NCS1: variants seen among roughly 807,000 people sequenced by gnomAD.
The protein encoded by NCS1 is neuronal calcium sensor 1.
In NCS1, 6 loss-of-function variants were observed where a neutral mutation model predicts 28.4. That is an observed-to-expected ratio of 0.21 (90% CI 0.12 to 0.42). NCS1 has a LOEUF of 0.42. Ranked by LOEUF, NCS1 falls within the 10% of genes least tolerant of loss-of-function variation. The pLI is 1.00. For missense variants in NCS1, 131 were observed against 241.4 expected, an observed-to-expected ratio of 0.54 and a Z score of 3.03; for synonymous variants, 86 against 99.3, an observed-to-expected ratio of 0.87 and a Z score of 0.79.
intron 1 of NCS1, among the ~76,000 whole-genome samples, chr9:130,176,816 G>A (rs1031391487): frequency 2.0e-4 from 31 of 152,250 alleles, no homozygotes; most frequent in African/African-American, 6.8e-4. Context: ...GAAAGCAGCC[G>A]GGTTATCCGA....
chr9:130,212,506 G>A (rs1303546320), intron 2 of NCS1, among the ~76,000 whole-genome samples: 3 of 148,962 alleles, frequency 2.0e-5, no homozygotes, highest in Non-Finnish European at 4.5e-5. Flanking sequence ...TCTAGTATGA[G>A]CCACTTACTT....
rs1832835390 is a variant in NCS1, at chr9:130,192,906, T to C, written c.65-8052T>C. Among the ~76,000 whole-genome samples the C allele has an allele frequency of 6.6e-6, 1 of 152,184 alleles. No homozygotes were observed. Among genetic ancestry groups the C allele is most frequent in the Non-Finnish European group, 1.5e-5 (1 of 68,022 alleles). On this transcript the variant is annotated intron_variant, in intron 1 of 7. Transcript: ENST00000372398. This position sits in a 1 kb window ranked among gnomAD's most constrained non-coding sequence, Gnocchi z 4.8. ...CCACCTCCCAGTGTGCGGTACTCCATGGTTGGCACAGCTAGTAATGTCCTC... is the reference window on the plus strand; with the variant it reads ...CCACCTCCCAGTGTGCGGTACTCCACGGTTGGCACAGCTAGTAATGTCCTC...
intron 2 of NCS1, among the ~76,000 whole-genome samples, chr9:130,205,528 C>A: frequency 9.3e-6 from 1 of 107,284 alleles, no homozygotes. Context: ...AGTGAGACCT[C>A]GTCTCTTAGA....
intron 2 of NCS1, 140 bp from the exon 3 acceptor site, chr9:130,217,692 T>G (rs1332701875): frequency 7.9e-7 from 1 of 1,257,940 alleles, no homozygotes; most frequent in Non-Finnish European, 1.2e-6. Flanking sequence ...CCTGTGCCTA[T>G]CAAGTCCATG....
intron 2 of NCS1, among the ~76,000 whole-genome samples, chr9:130,205,677 GAAAA>G (rs797027203): frequency 1.6e-5 from 2 of 126,446 alleles, no homozygotes; most frequent in East Asian, 2.3e-4. Flanking sequence ...CTCTACAAAA[GAAAA>G]AAAAAAAAAA....
chr9:130,173,156 G>C (rs954993369), intron 1 of NCS1, among the ~76,000 whole-genome samples: 1 of 151,972 alleles, frequency 6.6e-6, no homozygotes, highest in East Asian at 1.9e-4. Context: ...CGCCGCCGCT[G>C]CTGCGAGATT....
chr9:130,194,283 G>T (rs1832850408), intron 1 of NCS1, among the ~76,000 whole-genome samples: 1 of 150,680 alleles, frequency 6.6e-6, no homozygotes, highest in African/African-American at 2.4e-5. Context: ...CTGTGTGGAA[G>T]GGAGGAGGAG....
chr9:130,207,610 T>A (rs1047689595), intron 2 of NCS1, among the ~76,000 whole-genome samples: 47 of 152,252 alleles, frequency 3.1e-4, no homozygotes, highest in African/African-American at 1.1e-3. Flanking sequence ...AGTGATTCTG[T>A]GATTTGTCCT....
At chr9:130,210,058 G>A (rs1833091139) in intron 2 of NCS1, among the ~76,000 whole-genome samples, 2 of 152,156 alleles carry the variant, frequency 1.3e-5, no homozygotes, top group South Asian at 4.1e-4. Flanking sequence ...GAGGGGCAGT[G>A]AGGGGTCTTG....
rs1455322228 is a variant in NCS1 at position 130,219,966 on chromosome 9, G to T, written c.307+163G>T. Reference sequence around the variant, plus strand: ...AGAGGGCAGGCCTGGGCCCTGGGCAGGTGGCCCTCACACGGCCACGTAACT... The same window carrying T: ...AGAGGGCAGGCCTGGGCCCTGGGCATGTGGCCCTCACACGGCCACGTAACT... On this transcript the variant is annotated intron_variant, in intron 4 of 7. Transcript: ENST00000372398. This position sits in a 1 kb window ranked among gnomAD's most constrained non-coding sequence, Gnocchi z 5.7. 6.6e-6 allele frequency among the ~76,000 whole-genome samples: 1 copy of T among 152,262 alleles called. No individual in the cohort carries two copies. The highest frequency in any genetic ancestry group is 2.4e-5 in the African/African-American group (1 of 41,482).
chr9:130,224,293 A>T (rs1374281244), intron 6 of NCS1, among the ~76,000 whole-genome samples: 5 of 128,174 alleles, frequency 3.9e-5, no homozygotes, highest in African/African-American at 1.5e-4. Context: ...TTTCTCTACT[A>T]AAAAAAAAAA....
At chr9:130,211,707 C>T (rs1833115184) in intron 2 of NCS1, among the ~76,000 whole-genome samples, 1 of 152,090 alleles carries the variant, frequency 6.6e-6, no homozygotes, top group African/African-American at 2.4e-5. Context: ...CGTTGGCTAG[C>T]TGTGTGAGCC....
At chr9:130,184,977 A>C (rs1832720256) in intron 1 of NCS1, among the ~76,000 whole-genome samples, 1 of 151,994 alleles carries the variant, frequency 6.6e-6, no homozygotes. Flanking sequence ...GTCTCAAAAA[A>C]AAAAAAAGGG....
Position 130,175,863 on chromosome 9 carries a change from G to C in NCS1, c.64+3136G>C, listed in dbSNP as rs917075243. On this transcript the variant is annotated intron_variant, in intron 1 of 7. Coordinates refer to ENST00000372398, the MANE Select transcript of NCS1 (RefSeq NM_014286.4). The surrounding 1 kb of genome is among the most constrained non-coding windows in gnomAD (Gnocchi z 4.9). Reference sequence around the variant, plus strand: ...CTTAGACAGTGGCAGTCAGCATTGCGGGCGGCCCAGTTTCTTTCAGGTCTG... The same window carrying C: ...CTTAGACAGTGGCAGTCAGCATTGCCGGCGGCCCAGTTTCTTTCAGGTCTG... Among the ~76,000 whole-genome samples the C allele has an allele frequency of 6.6e-6, 1 of 152,204 alleles. No individual in the cohort carries two copies. The highest frequency in any genetic ancestry group is 2.4e-5 in the African/African-American group (1 of 41,436).
At chr9:130,212,418 T>A (rs1274412599) in intron 2 of NCS1, among the ~76,000 whole-genome samples, 1 of 150,906 alleles carries the variant, frequency 6.6e-6, no homozygotes, top group East Asian at 2.0e-4. Flanking sequence ...CTGCTAAGTG[T>A]CTACTATGCA....
Position 130,181,378 on chromosome 9 carries a change from G to A in NCS1, c.64+8651G>A, listed in dbSNP as rs895124362. Among the ~76,000 whole-genome samples the A allele has an allele frequency of 9.2e-5, 14 of 152,160 alleles. No homozygotes were observed. The highest frequency in any genetic ancestry group is 1.3e-4 in the Non-Finnish European group (9 of 68,024). ...CTCCTGGTGGTGGTGGAGGATCTGC[G>A]AGCTGCAGCACGGGACGGTCAGGGG... On this transcript the variant is annotated intron_variant, in intron 1 of 7. Transcript: ENST00000372398. This position sits in a 1 kb window ranked among gnomAD's most constrained non-coding sequence, Gnocchi z 5.0.
intron 6 of NCS1, 93 bp downstream of exon 6, chr9:130,223,252 G>A: frequency 8.4e-7 from 1 of 1,197,166 alleles, no homozygotes. Flanking sequence ...TGGCTTTGCT[G>A]CCAACCTCCT....
intron 4 of NCS1, among the ~76,000 whole-genome samples, 161 bp from the exon 5 acceptor site, chr9:130,222,489 T>G (rs546233033): frequency 1.3e-4 from 20 of 152,188 alleles, no homozygotes; most frequent in Admixed American, 3.9e-4. Context: ...GGTGTGTGTG[T>G]GTCTGTCCCT....
rs782080756 is a variant in NCS1 at position 130,172,635 on chromosome 9, C to CG, written c.-22dup. 133 of 1,407,598 alleles carry CG rather than the reference C, an allele frequency of 9.4e-5. No individual in the cohort carries two copies. The highest frequency in any genetic ancestry group is 3.5e-4 in the East Asian group (10 of 28,566). 87.2% of individuals were successfully genotyped at this position (1,407,598 alleles called of 1,614,324 possible). A position where few individuals can be genotyped will look rare whatever the true frequency, so the allele number is the denominator to read the frequency against. ...CTGGGCGCCCCAACCGGGTCCGGCCCGGGGGGGCGGGGGCCGCGGCCGCCG... is the reference window on the plus strand; with the variant it reads ...CTGGGCGCCCCAACCGGGTCCGGCCCGGGGGGGGCGGGGGCCGCGGCCGCCG... On this transcript the variant is annotated 5_prime_UTR_variant, in exon 1 of 8. Coordinates refer to ENST00000372398, the MANE Select transcript of NCS1 (RefSeq NM_014286.4).
Sources: gnomAD v4.1 joint callset for allele counts (sites outside exome capture counted in the v4.1 genomes callset) on GRCh38, gnomAD v4.1.1 for gene constraint, Gnocchi (gnomAD v3.1) non-coding constraint, MANE v1.5 for transcripts, NCBI Gene and HGNC (gene_info 2026-07-23, HGNC 2026-07-21) for gene names.